The following TRIM46 variants were observed in gnomAD, a reference collection of about 807,000 sequenced individuals.
TRIM46 encodes tripartite motif containing 46.
A neutral mutation model predicts 69.7 loss-of-function variants in TRIM46; 17 were observed. The ratio of observed to expected loss-of-function variants is 0.24; its 90% CI spans 0.17 to 0.37. TRIM46 has a LOEUF of 0.37. Among genes scored for constraint, TRIM46 ranks in the 10% least tolerant of loss-of-function variants. The pLI, the probability that TRIM46 is intolerant of heterozygous loss-of-function variation, is 1.00. For missense variants in TRIM46, 675 were observed against 1,025.1 expected (o/e 0.66, Z 4.66); for synonymous variants, 391 against 429.0 (o/e 0.91, Z 1.09).
Position 155,177,195 on chromosome 1 carries a change from G to A in TRIM46, c.814G>A (p.Asp272Asn). Reference sequence around the variant, plus strand: ...TGCCCACCTCTTTCTTCCCCCTCAGGACAAGCTGACAAAGAGCCTGACATA... The same window carrying A: ...TGCCCACCTCTTTCTTCCCCCTCAGAACAAGCTGACAAAGAGCCTGACATA... The part of the protein sequence containing the change: ...PVLSAYQALK[D>N]KLTKSLTYIL... The change falls in exon 5 of 10, where the codon GAC becomes AAC. Residue 272 changes from aspartate (D) to asparagine (N), a missense_variant and splice_region_variant. Coordinates refer to ENST00000334634, the MANE Select transcript of TRIM46 (RefSeq NM_025058.5). The A allele has an allele frequency of 6.2e-7, 1 of 1,614,122 alleles. No homozygotes were observed. The highest frequency in any genetic ancestry group is 8.5e-7 in the Non-Finnish European group (1 of 1,180,026).
At chr1:155,178,379 T>C in intron 6 of TRIM46, 113 bp from the exon 7 acceptor site, 1 of 1,577,618 alleles carries the variant, frequency 6.3e-7, no homozygotes, top group Non-Finnish European at 8.6e-7. Context: ...GAGGCCAAAC[T>C]GATACCAGCT....
Position 155,184,112 on chromosome 1 carries a change from C to G in TRIM46, c.2202C>G (p.Gly734=). Residue 734 remains glycine, a synonymous_variant, in exon 10 of 10, where the codon GGC becomes GGG. Transcript: ENST00000334634. The surrounding 1 kb of genome is among the most constrained non-coding windows in gnomAD (Gnocchi z 5.6). ...CTGCCTTTTGCTTCATCGGGGGTGGCGCAGTACAGCTCCAGGAGCCAGTGG... is the reference window on the plus strand; with the variant it reads ...CTGCCTTTTGCTTCATCGGGGGTGGGGCAGTACAGCTCCAGGAGCCAGTGG... ...VCPAFCFIGG[G]AVQLQEPVGT... is the part of the protein sequence containing the mutation. The G allele has an allele frequency of 6.2e-7, 1 of 1,613,886 alleles. No individual in the cohort carries two copies. Among genetic ancestry groups the G allele is most frequent in the African/African-American group, 1.3e-5 (1 of 75,028 alleles).
At chr1:155,176,806 G>A in intron 3 of TRIM46, 126 bp from the exon 4 acceptor site, 2 of 1,238,588 alleles carry the variant, frequency 1.6e-6, no homozygotes, top group Non-Finnish European at 2.3e-6. Context: ...GCACTGTGGA[G>A]CACCACCAGC....
rs1431374159 is a variant in TRIM46 at position 155,176,090 on chromosome 1, G to A, written c.528G>A (p.Lys176=). ...GTGCCATCCTGTGCCAGTTGTGCAA[G>A]CCCCCACCACTAGAGGCCACCAAGG... The part of the protein sequence containing the change: ...VGGAILCQLC[K]PPPLEATKGC... Residue 176 remains lysine, a synonymous_variant, in exon 3 of 10, where the codon AAG becomes AAA. Transcript: ENST00000334634. 3.1e-6 allele frequency: 5 copies of A among 1,614,038 alleles called. No homozygotes were observed. In the East Asian group the frequency reaches 6.7e-5, roughly 22 times the overall value.
At position 155,183,799 on chromosome 1, in the gene TRIM46, A is replaced by C; in HGVS notation, c.1889A>C (p.Tyr630Ser). ...GTCCCCAACACCCGCTTCTGCAGGTACGACCCGGACAGCGGGCACGACAGC... is the reference window on the plus strand; with the variant it reads ...GTCCCCAACACCCGCTTCTGCAGGTCCGACCCGGACAGCGGGCACGACAGC... ...QGAPDVISPR[Y>S]DPDSGHDSGA... Residue 630 changes from tyrosine (Y) to serine (S), a missense_variant and splice_region_variant, in exon 10 of 10, where the codon TAC becomes TCC. Around this residue, in one of 5 missense-constraint regions of TRIM46, gnomAD observed 35 missense variants for 99.3 expected, o/e 0.35. Coordinates refer to ENST00000334634, the MANE Select transcript of TRIM46 (RefSeq NM_025058.5). 1 of 1,601,546 alleles carries C rather than the reference A, an allele frequency of 6.2e-7. No homozygotes were observed. Among genetic ancestry groups the C allele is most frequent in the South Asian group, 1.1e-5 (1 of 91,000 alleles).
Position 155,178,134 on chromosome 1 carries a change from G to T in TRIM46, c.1042G>T (p.Ala348Ser), listed in dbSNP as rs140277217. 2 of 1,614,130 alleles carry T rather than the reference G, an allele frequency of 1.2e-6. No homozygotes were observed. The highest frequency in any genetic ancestry group is 2.2e-5 in the East Asian group (1 of 44,882). ...GCAGGAGCGGCTGGCCCGTCTCAGC[G>T]CCCAGATCCAGGAGCACCGGAGCCT... ...CQQERLARLS[A>S]QIQEHRSLLD... The change falls in exon 6 of 10, where the codon GCC (alanine) becomes TCC (serine). Residue 348 changes from alanine to serine, a missense_variant. Ala to Ser is a moderately conservative substitution (Grantham distance 99). Coordinates refer to ENST00000334634, the MANE Select transcript of TRIM46 (RefSeq NM_025058.5).
Position 155,179,665 on chromosome 1 carries a change from C to T in TRIM46, c.1319C>T (p.Thr440Ile), listed in dbSNP as rs1292665867. Residue 440 changes from threonine to isoleucine, a missense_variant, in exon 8 of 10, where the codon ACC (threonine) becomes ATC (isoleucine). Thr to Ile is a moderately conservative substitution (Grantham distance 89). Transcript: ENST00000334634. ...PEAPVIDTQR[T>I]FAYDQIFLCW... ...GCCCCCGTCATTGACACCCAGCGCA[C>T]CTTTGCCTATGATCAGATCTTCCTG... The T allele has an allele frequency of 1.2e-6, 2 of 1,611,494 alleles. No homozygotes were observed. The highest frequency in any genetic ancestry group is 1.7e-6 in the Non-Finnish European group (2 of 1,178,710).
chr1:155,182,173 G>A (rs1394014481), intron 9 of TRIM46, 24 bp downstream of exon 9: 1 of 1,606,860 alleles, frequency 6.2e-7, no homozygotes, highest in South Asian at 1.1e-5. Context: ...GGAAGGGATG[G>A]GGTGTGGGGG....
Position 155,178,091 on chromosome 1 carries a change from G to T in TRIM46, c.999G>T (p.Gln333His). 6.2e-7 allele frequency: 1 copy of T among 1,614,168 alleles called. No individual in the cohort carries two copies. Among genetic ancestry groups the T allele is most frequent in the Non-Finnish European group, 8.5e-7 (1 of 1,180,026 alleles). Residue 333 changes from glutamine (Q) to histidine (H), a missense_variant, in exon 6 of 10, where the codon CAG becomes CAT. Transcript: ENST00000334634. Reference sequence around the variant, plus strand: ...AGGAGAAGCGGGCATCACTGCTTCAGGCCATTGAAGAATGCCAGCAGGAGC... The same window carrying T: ...AGGAGAAGCGGGCATCACTGCTTCATGCCATTGAAGAATGCCAGCAGGAGC... ...VLEEKRASLL[Q>H]AIEECQQERL... is the part of the protein sequence containing the mutation.
intron 1 of TRIM46, chr1:155,174,470 C>T (rs903534428): frequency 2.1e-6 from 3 of 1,413,598 alleles, no homozygotes; most frequent in African/African-American, 2.9e-5. Context: ...CCCACGCACC[C>T]CCACTCAGGG....
In TRIM46 at chr1:155,178,126, G is replaced by A. The variant is rs143154805; in HGVS notation, c.1034G>A (p.Arg345His). The change falls in exon 6 of 10, where the codon CGT becomes CAT. Residue 345 changes from arginine to histidine, a missense_variant. Physicochemically the swap from Arg to His is conservative, Grantham distance 29 (BLOSUM62 0). Coordinates refer to ENST00000334634, the MANE Select transcript of TRIM46 (RefSeq NM_025058.5). ...IEECQQERLA[R>H]LSAQIQEHRS... is the part of the protein sequence containing the mutation. ...GAATGCCAGCAGGAGCGGCTGGCCC[G>A]TCTCAGCGCCCAGATCCAGGAGCAC... 1.1e-3 allele frequency: 1,723 copies of A among 1,614,144 alleles called. 2 individuals carry two copies. The highest frequency in any genetic ancestry group is 1.2e-3 in the Non-Finnish European group (1,442 of 1,180,012).
intron 7 of TRIM46, among the ~76,000 whole-genome samples, chr1:155,179,077 C>A (rs148274827): frequency 2.0e-5 from 3 of 152,358 alleles, no homozygotes; most frequent in African/African-American, 7.2e-5. Flanking sequence ...TGCCCTCTGG[C>A]CTTGCACTTC....
At chr1:155,183,328 T>C (rs1192689577) in intron 9 of TRIM46, among the ~76,000 whole-genome samples, 2 of 147,044 alleles carry the variant, frequency 1.4e-5, no homozygotes, top group Non-Finnish European at 3.0e-5. Flanking sequence ...AAACCCCTCC[T>C]AAACCCCATT....
Position 155,181,979 on chromosome 1 carries a change from C to T in TRIM46, c.1716C>T (p.Thr572=), listed in dbSNP as rs757028983. The T allele has an allele frequency of 5.0e-5, 80 of 1,613,570 alleles. 1 individual carries two copies. The Middle Eastern group carries it at 1.2e-3, about 23-fold the overall frequency. Residue 572 remains threonine (T), a synonymous_variant, in exon 9 of 10, where the codon ACC becomes ACT. Transcript: ENST00000334634. The surrounding 1 kb of genome is among the most constrained non-coding windows in gnomAD (Gnocchi z 4.3). The part of the protein sequence containing the change: ...PLLLAADRLL[T]GCHLSVDVVL... ...TGCTGGCTGCTGACCGGCTGCTGAC[C>T]GGCTGCCACCTGAGTGTGGATGTGG...
rs766467237 is a variant in TRIM46, at chr1:155,184,103, C to T, written c.2193C>T (p.Ile731=). 6.8e-6 allele frequency: 11 copies of T among 1,613,902 alleles called. No homozygotes were observed. Among genetic ancestry groups the T allele is most frequent in the African/African-American group, 2.7e-5 (2 of 74,920 alleles). Residue 731 remains isoleucine (I), a synonymous_variant, in exon 10 of 10, where the codon ATC becomes ATT. Coordinates refer to ENST00000334634, the MANE Select transcript of TRIM46 (RefSeq NM_025058.5). The surrounding 1 kb of genome is among the most constrained non-coding windows in gnomAD (Gnocchi z 5.6). The part of the protein sequence containing the change: ...SGPVCPAFCF[I]GGGAVQLQEP... ...CTGTGTGCCCTGCCTTTTGCTTCAT[C>T]GGGGGTGGCGCAGTACAGCTCCAGG... is the stretch of plus-strand genomic sequence containing the variant.
Position 155,178,242 on chromosome 1 carries a change from C to A in TRIM46, c.1150C>A (p.Gln384Lys). ...GCCTTGCTTTGTGCAAGCCGCCAAG[C>A]AGCTGCACAACAGGTACTCAGGGGC... is the stretch of plus-strand genomic sequence containing the variant. ...DQPCFVQAAK[Q>K]LHNRIARATE... is the part of the protein sequence containing the mutation. The change falls in exon 6 of 10, where the codon CAG (glutamine) becomes AAG (lysine). Residue 384 changes from glutamine to lysine, a missense_variant. Around this residue, in one of 5 missense-constraint regions of TRIM46, gnomAD observed 361 missense variants for 498.3 expected, o/e 0.72. Coordinates refer to ENST00000334634, the MANE Select transcript of TRIM46 (RefSeq NM_025058.5). The A allele has an allele frequency of 6.2e-7, 1 of 1,602,498 alleles. No individual in the cohort carries two copies. The highest frequency in any genetic ancestry group is 8.5e-7 in the Non-Finnish European group (1 of 1,172,092).
intron 6 of TRIM46, 49 bp from the exon 7 acceptor site, chr1:155,178,443 G>C: frequency 6.2e-7 from 1 of 1,610,856 alleles, no homozygotes; most frequent in Non-Finnish European, 8.5e-7. Context: ...TGAGGGGAAG[G>C]GAGACTGCCC....
In TRIM46 at chr1:155,175,937, G is replaced by T. The variant is rs757226602; in HGVS notation, c.375G>T (p.Val125=). 3.1e-5 allele frequency: 49 copies of T among 1,603,198 alleles called. No individual in the cohort carries two copies. Among genetic ancestry groups the T allele is most frequent in the Non-Finnish European group, 4.1e-5 (48 of 1,173,154 alleles). ...GRKRGALHPQ[V]IMFPCPACQG... ...AGCGAGGTGCTTTGCACCCCCAAGT[G>T]ATCATGTTCCCGTGCCCAGCCTGCC... Residue 125 remains valine, a synonymous_variant, in exon 3 of 10, where the codon GTG becomes GTT. Transcript: ENST00000334634. This position sits in a 1 kb window ranked among gnomAD's most constrained non-coding sequence, Gnocchi z 4.2.
At position 155,173,874 on chromosome 1, in the gene TRIM46, T is replaced by C. The variant is rs965253288; in HGVS notation, c.-93T>C. ...GCAGTGACACCTCAACCCCCAGCCC[T>C]CCTCACACCCCCACTGGGCTCCTGC... On this transcript the variant is annotated 5_prime_UTR_variant, in exon 1 of 10. Transcript: ENST00000334634. 8 of 1,328,946 alleles carry C rather than the reference T, an allele frequency of 6.0e-6. No individual in the cohort carries two copies. The African/African-American group carries it at 1.0e-4, about 17-fold the overall frequency. 82.3% of individuals were successfully genotyped at this position (1,328,946 alleles called of 1,614,324 possible).
Sources: allele counts gnomAD v4.1 joint callset (sites outside exome capture counted in the v4.1 genomes callset), GRCh38; gene constraint gnomAD v4.1.1; regional missense constraint gnomAD v4.1.1; non-coding constraint Gnocchi (gnomAD v3.1); transcripts MANE v1.5; gene names NCBI Gene and HGNC (gene_info 2026-07-23, HGNC 2026-07-21).